KCNMB2: variants seen among roughly 807,000 people sequenced by gnomAD.
The protein encoded by KCNMB2 is calcium-activated potassium channel subunit beta-2.
KCNMB2 carries 9 observed loss-of-function variants against 24.5 expected under a neutral mutation model. The observed-to-expected ratio is 0.37, with a 90% CI of 0.22 to 0.64. The LOEUF (loss-of-function observed/expected upper bound fraction) is 0.64, where lower values mean the gene tolerates loss of function less well. KCNMB2 is among the 30% of genes least tolerant of loss of function. KCNMB2 has a pLI of 0.63. For missense variants in KCNMB2, 226 were observed against 284.3 expected (o/e 0.79, Z 1.47); for synonymous variants, 109 against 104.4 (o/e 1.04, Z -0.27).
intron 1 of KCNMB2, among the ~76,000 whole-genome samples, chr3:178,707,676 T>G (rs1722322490): frequency 1.3e-5 from 2 of 151,914 alleles, no homozygotes; most frequent in Admixed American, 1.3e-4. Context: ...TTAAAGGCGA[T>G]GCTAATATGC....
At chr3:178,546,953 T>C (rs1715793861) in intron 1 of KCNMB2, among the ~76,000 whole-genome samples, 1 of 152,182 alleles carries the variant, frequency 6.6e-6, no homozygotes, top group African/African-American at 2.4e-5. Context: ...GCCAGAAGAA[T>C]ATGTGTCTGG....
At chr3:178,754,641 T>C (rs560802919) in intron 1 of KCNMB2, among the ~76,000 whole-genome samples, 2 of 152,174 alleles carry the variant, frequency 1.3e-5, no homozygotes, top group Non-Finnish European at 1.5e-5. Flanking sequence ...TGTTATGTCA[T>C]GCGCCCCCAC....
intron 1 of KCNMB2, among the ~76,000 whole-genome samples, chr3:178,778,466 A>ACGTGCGCGCGCGCGCGCG (rs1335954249): frequency 3.4e-5 from 3 of 88,466 alleles, no homozygotes; most frequent in Non-Finnish European, 4.8e-5. Context: ...ACACACACAC[A>ACGTGCGCGCGCGCGCGCG]CACACACACA....
At chr3:178,792,673 G>T (rs1013827067) in intron 1 of KCNMB2, among the ~76,000 whole-genome samples, 6 of 152,226 alleles carry the variant, frequency 3.9e-5, no homozygotes, top group African/African-American at 1.4e-4. Flanking sequence ...TGCCTACAAG[G>T]AACACACTTC....
intron 1 of KCNMB2, among the ~76,000 whole-genome samples, chr3:178,695,902 A>G (rs1721856863): frequency 6.6e-6 from 1 of 152,076 alleles, no homozygotes; most frequent in Non-Finnish European, 1.5e-5. Context: ...TTGCTTCCAC[A>G]TTTTTTGGTA....
intron 1 of KCNMB2, among the ~76,000 whole-genome samples, chr3:178,788,212 G>A (rs930437761): frequency 6.6e-5 from 10 of 152,260 alleles, no homozygotes; most frequent in Non-Finnish European, 8.8e-5. Flanking sequence ...CACACCAGCT[G>A]TGTATGCGTG....
intron 1 of KCNMB2, among the ~76,000 whole-genome samples, chr3:178,676,375 C>T (rs1409340610): frequency 2.0e-5 from 3 of 152,162 alleles, no homozygotes; most frequent in Non-Finnish European, 2.9e-5. Context: ...TGTGGAGATA[C>T]TGACACAGAT....
At chr3:178,777,536 C>T (rs962860060) in intron 1 of KCNMB2, among the ~76,000 whole-genome samples, 2 of 152,200 alleles carry the variant, frequency 1.3e-5, no homozygotes, top group African/African-American at 4.8e-5. Context: ...ATTAGTGGAA[C>T]TCTTGGGAAA....
At chr3:178,757,144 A>C (rs899474468) in intron 1 of KCNMB2, 7 of 150,242 alleles carry the variant, frequency 4.7e-5, no homozygotes, top group African/African-American at 1.7e-4. Flanking sequence ...CTTCTTGTAA[A>C]AGAAAATTTA....
chr3:178,806,193 T>G (rs574887225), intron 1 of KCNMB2, among the ~76,000 whole-genome samples: 2 of 152,336 alleles, frequency 1.3e-5, no homozygotes, highest in Admixed American at 6.5e-5. Flanking sequence ...AAGTAGATAC[T>G]GGTTTGAAGC....
chr3:178,548,259 C>A (rs890874183), intron 1 of KCNMB2, among the ~76,000 whole-genome samples: 1 of 152,162 alleles, frequency 6.6e-6, no homozygotes, highest in African/African-American at 2.4e-5. Flanking sequence ...TGGAAATTTA[C>A]CAAATACTAT....
chr3:178,576,121 T>C (rs1221807259), intron 1 of KCNMB2, among the ~76,000 whole-genome samples: 2 of 151,932 alleles, frequency 1.3e-5, no homozygotes, highest in African/African-American at 2.4e-5. Flanking sequence ...AGGCGGGTGA[T>C]TTCTGCATTT....
At chr3:178,769,767 G>A (rs1481554183) in intron 1 of KCNMB2, among the ~76,000 whole-genome samples, 1 of 152,110 alleles carries the variant, frequency 6.6e-6, no homozygotes, top group African/African-American at 2.4e-5. Context: ...AAATTTTTAT[G>A]AGAAAAAATT....
At chr3:178,829,840 T>C (rs897373395) in intron 4 of KCNMB2, among the ~76,000 whole-genome samples, 28 of 152,330 alleles carry the variant, frequency 1.8e-4, no homozygotes, top group African/African-American at 6.7e-4. Context: ...GTACCTTATT[T>C]GCTCTCAGCA....
At chr3:178,575,510 G>A (rs980549040) in intron 1 of KCNMB2, among the ~76,000 whole-genome samples, 1 of 152,204 alleles carries the variant, frequency 6.6e-6, no homozygotes, top group African/African-American at 2.4e-5. Context: ...TCTAGTGATA[G>A]TCAGAACTGA....
chr3:178,821,687 G>A (rs1714630797), intron 2 of KCNMB2, among the ~76,000 whole-genome samples: 2 of 152,066 alleles, frequency 1.3e-5, no homozygotes, highest in Admixed American at 1.3e-4. Context: ...GAAGAGTAGG[G>A]AAATACGGAA....
intron 1 of KCNMB2, among the ~76,000 whole-genome samples, chr3:178,644,533 T>C (rs1719844633): frequency 6.6e-6 from 1 of 152,246 alleles, no homozygotes; most frequent in Non-Finnish European, 1.5e-5. Flanking sequence ...GCAGGCCCTC[T>C]GCAGCAGTGC....
chr3:178,741,885 T>C (rs1443164238), intron 1 of KCNMB2, among the ~76,000 whole-genome samples: 2 of 152,232 alleles, frequency 1.3e-5, no homozygotes, highest in Non-Finnish European at 2.9e-5. Flanking sequence ...GATTTAGTCT[T>C]CTATTTATTC....
intron 1 of KCNMB2, among the ~76,000 whole-genome samples, chr3:178,649,842 T>G (rs1413025318): frequency 6.6e-6 from 1 of 151,588 alleles, no homozygotes; most frequent in South Asian, 2.1e-4. Flanking sequence ...TTTTTTCTCC[T>G]TCAGTTCTGC....
Sources: allele counts gnomAD v4.1 joint callset (sites outside exome capture counted in the v4.1 genomes callset), GRCh38; gene constraint gnomAD v4.1.1; transcripts MANE v1.5; gene names NCBI Gene and HGNC (gene_info 2026-07-23, HGNC 2026-07-21).